Variants in MYO5B observed in about 807,000 individuals in gnomAD.
MYO5B encodes myosin VB.
Under a neutral mutation model 229.3 loss-of-function variants are expected in MYO5B, and 143 were observed. That is an observed-to-expected ratio of 0.62 (90% confidence interval 0.54 to 0.72). The LOEUF is 0.72. Among genes scored for constraint, MYO5B ranks in the 30% least tolerant of loss-of-function variants. MYO5B has a pLI of 0.00. For synonymous variants in MYO5B, 918 were observed against 885.2 expected (o/e 1.04, Z -0.66); for missense variants, 2,321 against 2,331.0 (o/e 1.00, Z 0.09).
At position 49,839,870 on chromosome 18, in the gene MYO5B, G is replaced by C. The variant is rs149954857; in HGVS notation, c.4702-576C>G. Reference sequence around the variant, plus strand: ...TAAGGGAACTGCTGATATCAGAAGGGCTCATGTGACCAATGTCCTTTTCAT... The same window carrying C: ...TAAGGGAACTGCTGATATCAGAAGGCCTCATGTGACCAATGTCCTTTTCAT... On this transcript the variant is annotated intron_variant, in intron 35 of 39. Coordinates refer to ENST00000285039, the MANE Select transcript of MYO5B (RefSeq NM_001080467.3). 3 of 164,818 alleles carry C rather than the reference G, an allele frequency of 1.8e-5. No homozygotes were observed. In the South Asian group the frequency reaches 4.7e-4, roughly 26 times the overall value. The allele number at this position is 164,818 out of a possible 1,614,324, so 10.2% of individuals were successfully genotyped here. A position where few individuals can be genotyped will look rare whatever the true frequency, so the allele number is the denominator to read the frequency against.
intron 39 of MYO5B, among the ~76,000 whole-genome samples, chr18:49,830,829 C>CAAAAA (rs59785909): frequency 1.4e-5 from 1 of 72,948 alleles, no homozygotes; most frequent in African/African-American, 5.7e-5. Context: ...GACTCTGTCT[C>CAAAAA]AAAAAAAAAA....
At chr18:49,877,996 G>T in intron 24 of MYO5B, 114 bp from the exon 25 acceptor site, 1 of 1,276,010 alleles carries the variant, frequency 7.8e-7, no homozygotes, top group Non-Finnish European at 1.1e-6. Context: ...AACAAGAATA[G>T]GTATCATTGC....
chr18:50,027,513 C>T (rs1371337850), intron 4 of MYO5B, among the ~76,000 whole-genome samples: 3 of 152,178 alleles, frequency 2.0e-5, no homozygotes, highest in Admixed American at 6.5e-5. Flanking sequence ...AGCTAGGACG[C>T]TAACTGGGGT....
At chr18:49,997,725 C>T (rs2026004667) in intron 5 of MYO5B, among the ~76,000 whole-genome samples, 1 of 152,086 alleles carries the variant, frequency 6.6e-6, no homozygotes, top group Admixed American at 6.5e-5. Context: ...AATCTCAATC[C>T]ATCCTCAAGT....
intron 1 of MYO5B, among the ~76,000 whole-genome samples, chr18:50,120,816 C>T (rs2144530548): frequency 6.6e-6 from 1 of 152,338 alleles, no homozygotes; most frequent in Admixed American, 6.5e-5. Context: ...CCCACCTTCA[C>T]AAGAGCAGCT....
intron 32 of MYO5B, among the ~76,000 whole-genome samples, chr18:49,847,588 C>A (rs562966364): frequency 1.3e-5 from 2 of 152,254 alleles, no homozygotes; most frequent in Non-Finnish European, 2.9e-5. Context: ...AGGCAGGTTT[C>A]AGACCAGAGA....
Position 49,902,623 on chromosome 18 carries a change from C to G in MYO5B, c.2782G>C (p.Val928Leu). The G allele has an allele frequency of 1.9e-6, 3 of 1,613,254 alleles. No homozygotes were observed. Among genetic ancestry groups the G allele is most frequent in the Non-Finnish European group, 2.5e-6 (3 of 1,180,038 alleles). ...RLNVGMENKV[V>L]QLQRKIDEQN... ...TCATCGATCTTCCGCTGCAGCTGGA[C>G]CACCTTGTTCTCCATGCCCACGTTG... is the stretch of plus-strand genomic sequence containing the variant. Residue 928 changes from valine (V) to leucine (L), a missense_variant, in exon 21 of 40, where the codon GTC becomes CTC. By Grantham distance (32) the Val-to-Leu change is conservative. Transcript: ENST00000285039.
At chr18:50,079,266 C>T (rs998484130) in intron 1 of MYO5B, among the ~76,000 whole-genome samples, 7 of 152,234 alleles carry the variant, frequency 4.6e-5, no homozygotes, top group Admixed American at 1.3e-4. Flanking sequence ...TTCCGTCTTG[C>T]TTTACACCCT....
chr18:50,102,281 A>T (rs1307009911), intron 1 of MYO5B, among the ~76,000 whole-genome samples: 1 of 151,956 alleles, frequency 6.6e-6, no homozygotes, highest in Admixed American at 6.6e-5. Flanking sequence ...TAATAGGTAC[A>T]CCGAACCACC....
chr18:50,003,857 G>T (rs1430579474), intron 4 of MYO5B, among the ~76,000 whole-genome samples: 1 of 152,146 alleles, frequency 6.6e-6, no homozygotes, highest in African/African-American at 2.4e-5. Flanking sequence ...TACTTAATAA[G>T]GATCCAGGGG....
At chr18:49,967,408 G>A (rs2144269039) in intron 10 of MYO5B, among the ~76,000 whole-genome samples, 1 of 152,312 alleles carries the variant, frequency 6.6e-6, no homozygotes. Context: ...ATGCTTTGAA[G>A]ATTGGGAAAC....
At chr18:49,868,299 A>G (rs1375565570) in intron 27 of MYO5B, among the ~76,000 whole-genome samples, 1 of 152,216 alleles carries the variant, frequency 6.6e-6, no homozygotes, top group East Asian at 1.9e-4. Flanking sequence ...AAAAATGTCT[A>G]TAAAAAGGAC....
At chr18:49,949,569 C>A in intron 14 of MYO5B, among the ~76,000 whole-genome samples, 1 of 152,096 alleles carries the variant, frequency 6.6e-6, no homozygotes, top group East Asian at 1.9e-4. Context: ...CTTCGAACAT[C>A]CCTTTGGTTG....
At chr18:49,911,352 A>G (rs1254455956) in intron 18 of MYO5B, among the ~76,000 whole-genome samples, 5 of 152,214 alleles carry the variant, frequency 3.3e-5, no homozygotes, top group Non-Finnish European at 7.3e-5. Flanking sequence ...AGAGATAGTT[A>G]TAGAAACAAA....
intron 1 of MYO5B, among the ~76,000 whole-genome samples, chr18:50,066,770 T>C (rs2030830110): frequency 6.6e-6 from 1 of 152,196 alleles, no homozygotes; most frequent in Non-Finnish European, 1.5e-5. Context: ...CCGATTTCCA[T>C]CCTGCTTCTG....
intron 14 of MYO5B, among the ~76,000 whole-genome samples, chr18:49,951,528 A>T (rs1306089646): frequency 6.6e-6 from 1 of 152,234 alleles, no homozygotes; most frequent in East Asian, 1.9e-4. Context: ...CAGCTCAGCT[A>T]TTAATAAAAG....
intron 14 of MYO5B, among the ~76,000 whole-genome samples, chr18:49,947,518 T>G (rs915596540): frequency 6.6e-6 from 1 of 152,210 alleles, no homozygotes; most frequent in Admixed American, 6.5e-5. Flanking sequence ...TGTACATACA[T>G]GGGGTACCTA....
At chr18:49,945,423 G>A (rs1047003802) in intron 14 of MYO5B, among the ~76,000 whole-genome samples, 5 of 151,200 alleles carry the variant, frequency 3.3e-5, no homozygotes, top group Admixed American at 6.6e-5. Flanking sequence ...CAAGTACCAA[G>A]TTCTGCCCAC....
intron 5 of MYO5B, among the ~76,000 whole-genome samples, 184 bp from the exon 6 acceptor site, chr18:49,992,615 C>A (rs956501545): frequency 6.6e-6 from 1 of 152,166 alleles, no homozygotes; most frequent in Non-Finnish European, 1.5e-5. Flanking sequence ...TTTTTCCAGC[C>A]TCTTACTCCT....
Sources: gnomAD v4.1 joint callset for allele counts (sites outside exome capture counted in the v4.1 genomes callset) on GRCh38, gnomAD v4.1.1 for gene constraint, MANE v1.5 for transcripts, NCBI Gene and HGNC (gene_info 2026-07-23, HGNC 2026-07-21) for gene names.